Variants in TEX48 observed in about 807,000 individuals in gnomAD.
TEX48 encodes testis-expressed protein 48.
TEX48 carries 10 observed loss-of-function variants against 13.2 expected under a neutral mutation model. The ratio of observed to expected loss-of-function variants is 0.75; its 90% CI spans 0.47 to 1.28. The LOEUF (loss-of-function observed/expected upper bound fraction) is 1.28, where lower values mean the gene tolerates loss of function less well. Among genes scored for constraint, TEX48 ranks in the 50% most tolerant of loss-of-function variants. The probability of loss-of-function intolerance (pLI) is 0.00; values close to 1 mark genes in which losing one functional copy is unlikely to be tolerated. For synonymous variants in TEX48, 45 were observed against 52.3 expected (o/e 0.86, Z 0.60); for missense variants, 116 against 139.4 (o/e 0.83, Z 0.84).
intron 1 of TEX48, among the ~76,000 whole-genome samples, chr9:114,676,042 G>T (rs762752555): frequency 6.6e-6 from 1 of 152,234 alleles, no homozygotes; most frequent in Non-Finnish European, 1.5e-5. Context: ...GCCTGTTATT[G>T]TACAGTGACT....
At position 114,674,955 on chromosome 9, in the gene TEX48, G is replaced by C. The variant is rs193082560; in HGVS notation, c.-104-3128C>G. ...CAAAGTGCTGGGGTTACAGGTGTGA[G>C]TCACCGTGCCCAGCTTCATTTCCTA... is the stretch of plus-strand genomic sequence containing the variant. On this transcript the variant is annotated intron_variant, in intron 1 of 4. Coordinates refer to ENST00000436752, the MANE Select transcript of TEX48 (RefSeq NM_001199233.2). 6.6e-5 allele frequency among the ~76,000 whole-genome samples: 10 copies of C among 151,508 alleles called. No individual in the cohort carries two copies. The East Asian group carries it at 1.9e-3, about 29-fold the overall frequency.
intron 1 of TEX48, among the ~76,000 whole-genome samples, chr9:114,672,259 A>G (rs1411069924): frequency 6.6e-6 from 1 of 152,012 alleles, no homozygotes; most frequent in African/African-American, 2.4e-5. Context: ...TTTTGCCACT[A>G]ATTTGCTGGA....
At chr9:114,674,647 TTCCTTCCTTCCTTCCTTCC>T (rs1480706222) in intron 1 of TEX48, among the ~76,000 whole-genome samples, 4,450 of 136,144 alleles carry the variant, frequency 0.033, 464 homozygotes, top group African/African-American at 0.096. Flanking sequence ...CCTTCCTTCC[TTCCTTCCTTCCTTCCTTCC>T]TTCTTTCCTT....
intron 3 of TEX48, 30 bp from the exon 4 acceptor site, chr9:114,668,367 G>A (rs1013094367): frequency 8.5e-6 from 13 of 1,532,056 alleles, no homozygotes; most frequent in Admixed American, 2.0e-5. Context: ...AGGGTCACGT[G>A]GGGGAGGCTT....
intron 3 of TEX48, among the ~76,000 whole-genome samples, chr9:114,670,509 T>G (rs1400754355): frequency 6.6e-6 from 1 of 151,656 alleles, no homozygotes; most frequent in Non-Finnish European, 1.5e-5. Flanking sequence ...TTTTTCTGTC[T>G]GAAATTGTTG....
chr9:114,681,720 C>T (rs891941272), intron 1 of TEX48, among the ~76,000 whole-genome samples: 1 of 151,846 alleles, frequency 6.6e-6, no homozygotes, highest in African/African-American at 2.4e-5. Context: ...AAGAAGAGGG[C>T]CCTTGGGTTG....
chr9:114,681,978 T>C (rs943423043), intron 1 of TEX48, 57 bp downstream of exon 1: 15 of 152,310 alleles, frequency 9.8e-5, no homozygotes, highest in African/African-American at 2.9e-4. Context: ...TTGTGCCTTT[T>C]AGTACAGAAA....
At chr9:114,676,695 C>T (rs1186197485) in intron 1 of TEX48, among the ~76,000 whole-genome samples, 7 of 150,952 alleles carry the variant, frequency 4.6e-5, no homozygotes, top group South Asian at 2.1e-4. Context: ...TGTCTCACTT[C>T]GTGCTCCGCC....
chr9:114,679,387 TG>T (rs1342007900), intron 1 of TEX48, among the ~76,000 whole-genome samples: 1 of 151,608 alleles, frequency 6.6e-6, no homozygotes, highest in Non-Finnish European at 1.5e-5. Flanking sequence ...TTGCACTTAC[TG>T]TATGCAGAAA....
Position 114,671,839 on chromosome 9 carries a change from T to A in TEX48, c.-104-12A>T, listed in dbSNP as rs1827954626. 1 of 1,189,198 alleles carries A rather than the reference T, an allele frequency of 8.4e-7. No homozygotes were observed. Among genetic ancestry groups the A allele is most frequent in the South Asian group, 1.3e-5 (1 of 76,516 alleles). 73.7% of individuals were successfully genotyped at this position (1,189,198 alleles called of 1,614,324 possible). A position where few individuals can be genotyped will look rare whatever the true frequency, so the allele number is the denominator to read the frequency against. ...GGCTGGGCTGTTTCCTAAGTAAACA[T>A]AAGACCGTGGCTGAAAAATGCTAGT... On this transcript the variant is annotated splice_polypyrimidine_tract_variant and intron_variant, in intron 1 of 4. Coordinates refer to ENST00000436752, the MANE Select transcript of TEX48 (RefSeq NM_001199233.2).
At chr9:114,676,322 C>A (rs1258153719) in intron 1 of TEX48, among the ~76,000 whole-genome samples, 1 of 151,914 alleles carries the variant, frequency 6.6e-6, no homozygotes, top group Non-Finnish European at 1.5e-5. Flanking sequence ...CACTACCATG[C>A]CCGGTTATAG....
At chr9:114,669,478 G>C (rs576509821) in intron 3 of TEX48, among the ~76,000 whole-genome samples, 1 of 151,562 alleles carries the variant, frequency 6.6e-6, no homozygotes, top group East Asian at 2.0e-4. Flanking sequence ...TTTCGCTCTT[G>C]TTGCCCAGGC....
intron 1 of TEX48, among the ~76,000 whole-genome samples, chr9:114,676,742 G>T (rs1828079794): frequency 6.6e-6 from 1 of 151,284 alleles, no homozygotes; most frequent in South Asian, 2.1e-4. Context: ...TCAGCCTCCC[G>T]AGTAGCTGGG....
intron 1 of TEX48, among the ~76,000 whole-genome samples, chr9:114,675,980 C>T (rs891770888): frequency 1.3e-5 from 2 of 152,322 alleles, no homozygotes; most frequent in Middle Eastern, 3.4e-3. Context: ...GAGTCCCTCC[C>T]TTGTGCTCCC....
At chr9:114,677,213 G>A (rs951343572) in intron 1 of TEX48, among the ~76,000 whole-genome samples, 6 of 149,262 alleles carry the variant, frequency 4.0e-5, no homozygotes, top group Non-Finnish European at 8.9e-5. Context: ...TAGTCTTTTG[G>A]ATCTGCTGCC....
intron 4 of TEX48, among the ~76,000 whole-genome samples, chr9:114,667,905 C>CA (rs1176250476): frequency 0.092 from 5,553 of 60,356 alleles, 554 homozygotes; most frequent in African/African-American, 0.19. Flanking sequence ...GACTCCATCT[C>CA]AAAAAAAAAA....
chr9:114,671,437 T>C lies in TEX48; in HGVS notation c.73A>G (p.Ile25Val), dbSNP rs1827943981. ...CCRDCQEPYA[I>V]NDSKVPSQTQ... ...TGACTGGGAACCTTGGAGTCATTGA[T>C]GGCATAGGGCTCCTGACAGTCCCTG... The change falls in exon 3 of 5, where the codon ATC becomes GTC. Residue 25 changes from isoleucine (I) to valine (V), a missense_variant. Transcript: ENST00000436752. 6.5e-7 allele frequency: 1 copy of C among 1,535,580 alleles called. No homozygotes were observed. The highest frequency in any genetic ancestry group is 8.7e-7 in the Non-Finnish European group (1 of 1,146,846).
intron 1 of TEX48, among the ~76,000 whole-genome samples, chr9:114,678,300 A>C (rs572886729): frequency 6.6e-6 from 1 of 152,132 alleles, no homozygotes; most frequent in African/African-American, 2.4e-5. Context: ...TGGCTGCCCA[A>C]ATAAACTTTT....
chr9:114,668,050 C>G (rs1827874588), intron 4 of TEX48, among the ~76,000 whole-genome samples, 156 bp downstream of exon 4: 1 of 152,104 alleles, frequency 6.6e-6, no homozygotes, highest in Non-Finnish European at 1.5e-5. Flanking sequence ...CTAGGGTCTC[C>G]CCAGTGTGCT....
Sources: allele counts gnomAD v4.1 joint callset (sites outside exome capture counted in the v4.1 genomes callset), GRCh38; gene constraint gnomAD v4.1.1; transcripts MANE v1.5; gene names NCBI Gene and HGNC (gene_info 2026-07-23, HGNC 2026-07-21).